Variants in RPS6KA3 observed in about 807,000 individuals in gnomAD.
RPS6KA3 encodes the protein ribosomal protein S6 kinase alpha-3.
Under a neutral mutation model 67.2 loss-of-function variants are expected in RPS6KA3, and 4 were observed. The observed-to-expected ratio is 0.06, with a 90% CI of 0.03 to 0.14. RPS6KA3 has a LOEUF of 0.14. Ranked by LOEUF, RPS6KA3 falls within the 10% of genes least tolerant of loss-of-function variation. RPS6KA3 has a pLI of 1.00. For synonymous variants in RPS6KA3, 182 were observed against 183.7 expected (o/e 0.99, Z 0.07); for missense variants, 204 against 559.0 (o/e 0.36, Z 6.40).
At chrX:20,248,898 G>A (rs2069780788) in intron 1 of RPS6KA3, among the ~76,000 whole-genome samples, 1 of 111,513 alleles carries the variant, frequency 9.0e-6, no homozygotes, top group South Asian at 3.8e-4. Flanking sequence ...TTGATCACGT[G>A]TGGGTCTCTA....
chrX:20,250,259 G>A (rs1171935940), intron 1 of RPS6KA3, among the ~76,000 whole-genome samples: 1 of 111,903 alleles, frequency 8.9e-6, no homozygotes, highest in African/African-American at 3.3e-5. Context: ...TGTGATCATA[G>A]CTAACTGCAG....
At chrX:20,166,415 A>C (rs908567775) in intron 17 of RPS6KA3, among the ~76,000 whole-genome samples, 12 of 111,426 alleles carry the variant, frequency 1.1e-4, no homozygotes, top group Non-Finnish European at 2.1e-4. Context: ...TACTAGGCAA[A>C]TCTTGATAAG....
At chrX:20,197,028 C>T (rs978427535) in intron 4 of RPS6KA3, among the ~76,000 whole-genome samples, 14 of 111,746 alleles carry the variant, frequency 1.3e-4, no homozygotes, top group African/African-American at 2.9e-4. Flanking sequence ...GTGGTAGAGA[C>T]GGGGTTTCAC....
chrX:20,212,031 A>G (rs1325386778), intron 2 of RPS6KA3, among the ~76,000 whole-genome samples: 1 of 112,172 alleles, frequency 8.9e-6, no homozygotes, highest in African/African-American at 3.2e-5. Context: ...AGGGAAGAAT[A>G]ATCACTGAAT....
intron 7 of RPS6KA3, among the ~76,000 whole-genome samples, chrX:20,190,578 T>C (rs1023709423): frequency 8.9e-6 from 1 of 111,875 alleles, no homozygotes; most frequent in Non-Finnish European, 1.9e-5. Flanking sequence ...CACATTTTTA[T>C]GAATGTTTAA....
intron 13 of RPS6KA3, among the ~76,000 whole-genome samples, chrX:20,175,767 C>A (rs1224208425): frequency 9.0e-6 from 1 of 111,643 alleles, no homozygotes; most frequent in Admixed American, 9.5e-5. Flanking sequence ...GAAACTGCAG[C>A]CCTCAATAAT....
chrX:20,199,263 G>A (rs1007099513), intron 4 of RPS6KA3, among the ~76,000 whole-genome samples: 2 of 112,052 alleles, frequency 1.8e-5, no homozygotes, highest in Non-Finnish European at 3.8e-5. Context: ...AGAAGAAGAA[G>A]GAGAACACTG....
chrX:20,243,076 G>T (rs1282966703), intron 1 of RPS6KA3, among the ~76,000 whole-genome samples: 1 of 110,973 alleles, frequency 9.0e-6, no homozygotes, highest in African/African-American at 3.3e-5. Flanking sequence ...TAAAACAAGC[G>T]TTTATAACAT....
chrX:20,197,998 A>AGT (rs1309116910), intron 4 of RPS6KA3, among the ~76,000 whole-genome samples: 2,547 of 112,165 alleles, frequency 0.023, 74 homozygotes, highest in African/African-American at 0.078. Flanking sequence ...CTTTTTAAGC[A>AGT]GTTTACAGAA....
At chrX:20,236,364 A>C (rs1049280319) in intron 1 of RPS6KA3, among the ~76,000 whole-genome samples, 10 of 111,875 alleles carry the variant, frequency 8.9e-5, no homozygotes, top group Admixed American at 8.5e-4. Flanking sequence ...CCCGACTATT[A>C]ATTCAACAAG....
chrX:20,174,180 C>T (rs779177788), intron 14 of RPS6KA3, among the ~76,000 whole-genome samples: 2 of 110,845 alleles, frequency 1.8e-5, no homozygotes, highest in African/African-American at 3.3e-5. Context: ...GAAAGTCTGC[C>T]GACTCCTGTT....
chrX:20,192,592 C>CTTTT (rs1159974637), intron 7 of RPS6KA3, among the ~76,000 whole-genome samples: 16 of 45,389 alleles, frequency 3.5e-4, no homozygotes, highest in Non-Finnish European at 4.0e-4. Context: ...TGTAAATTTT[C>CTTTT]TTTTTTTTTT....
intron 1 of RPS6KA3, among the ~76,000 whole-genome samples, chrX:20,236,150 C>T (rs1253056751): frequency 9.0e-6 from 1 of 110,937 alleles, no homozygotes; most frequent in Non-Finnish European, 1.9e-5. Flanking sequence ...GAAGGATATA[C>T]ACCAAAATGT....
chrX:20,248,356 A>G (rs925242002), intron 1 of RPS6KA3, among the ~76,000 whole-genome samples: 1 of 112,706 alleles, frequency 8.9e-6, no homozygotes, highest in South Asian at 3.6e-4. Context: ...GTCCCCATGA[A>G]GCATGATGCT....
chrX:20,242,513 C>T (rs2069576928), intron 1 of RPS6KA3, among the ~76,000 whole-genome samples: 1 of 111,255 alleles, frequency 9.0e-6, no homozygotes, highest in Non-Finnish European at 1.9e-5. Context: ...GGATTCAAAC[C>T]CAGATCTTTT....
intron 18 of RPS6KA3, 118 bp from the exon 19 acceptor site, chrX:20,163,158 T>C (rs983077557): frequency 1.9e-6 from 1 of 526,412 alleles, no homozygotes; most frequent in Middle Eastern, 4.3e-4. Context: ...CAACAGAACA[T>C]GGTTACCAAA....
intron 15 of RPS6KA3, among the ~76,000 whole-genome samples, chrX:20,171,154 C>T (rs1437560428): frequency 1.8e-5 from 2 of 111,945 alleles, no homozygotes; most frequent in Non-Finnish European, 3.8e-5. Flanking sequence ...ATATAACATA[C>T]AAAATAATCG....
At chrX:20,228,532 A>G (rs1208885506) in intron 2 of RPS6KA3, among the ~76,000 whole-genome samples, 1 of 111,254 alleles carries the variant, frequency 9.0e-6, no homozygotes, top group Non-Finnish European at 1.9e-5. Flanking sequence ...AAGGTGCCCA[A>G]GTATACAGCT....
chrX:20,199,833 C>T lies in RPS6KA3; in HGVS notation c.325+4189G>A, dbSNP rs149896659. ...CCAGCAATTAACTTCATCACTGTAA[C>T]ACAGGAAACTAGAAGACAATGGAAG... is the stretch of plus-strand genomic sequence containing the variant. On this transcript the variant is annotated intron_variant, in intron 4 of 21. Transcript: ENST00000379565. Among the ~76,000 whole-genome samples the T allele has an allele frequency of 5.2e-3, 586 of 112,227 alleles. 1 individual carries two copies. Among genetic ancestry groups the T allele is most frequent in the Non-Finnish European group, 9.2e-3 (490 of 53,218 alleles).
Sources: allele counts gnomAD v4.1 joint callset (sites outside exome capture counted in the v4.1 genomes callset), GRCh38; gene constraint gnomAD v4.1.1; transcripts MANE v1.5; gene names NCBI Gene and HGNC (gene_info 2026-07-23, HGNC 2026-07-21).